Variants in BSN observed in about 807,000 individuals in gnomAD.
BSN encodes the protein protein bassoon.
Under a neutral mutation model 264.8 loss-of-function variants are expected in BSN, and 57 were observed. The ratio of observed to expected loss-of-function variants is 0.22; its 90% CI spans 0.17 to 0.27. The LOEUF (loss-of-function observed/expected upper bound fraction) is 0.27, where lower values mean the gene tolerates loss of function less well. BSN is among the 10% of genes least tolerant of loss of function. The pLI is 1.00. For missense variants in BSN, 4,615 were observed against 5,232.5 expected (o/e 0.88, Z 3.64); for synonymous variants, 2,059 against 2,137.3 (o/e 0.96, Z 1.01).
At chr3:49,649,630 G>A (rs963571514) in intron 3 of BSN, among the ~76,000 whole-genome samples, 4 of 152,200 alleles carry the variant, frequency 2.6e-5, no homozygotes, top group Non-Finnish European at 5.9e-5. Context: ...AAGCAGCTGG[G>A]GCTGGGAGAC....
In BSN at chr3:49,663,328, G is replaced by A. The variant is rs765470342; in HGVS notation, c.11170G>A (p.Gly3724Ser). ...CCATCATGCCTCTGACAGCAAGAAG[G>A]GCTCCCGGCAAGCCCACTCCGGGCC... ...AYHHASDSKKGSRQAHSGPAA... is the reference protein window; with the variant it reads ...AYHHASDSKKSSRQAHSGPAA... Residue 3724 changes from glycine (G) to serine (S), a missense_variant, in exon 7 of 12, where the codon GGC (glycine) becomes AGC (serine). By Grantham distance (56) the Gly-to-Ser change is moderately conservative (BLOSUM62 0). Coordinates refer to ENST00000296452, the MANE Select transcript of BSN (RefSeq NM_003458.4). 2 of 1,613,924 alleles carry A rather than the reference G, an allele frequency of 1.2e-6. No homozygotes were observed. The highest frequency in any genetic ancestry group is 1.1e-5 in the South Asian group (1 of 91,088).
At chr3:49,579,052 A>G (rs978802338) in intron 1 of BSN, among the ~76,000 whole-genome samples, 5 of 152,034 alleles carry the variant, frequency 3.3e-5, no homozygotes, top group Admixed American at 2.6e-4. Context: ...CAGTGGTATG[A>G]TCATGGCTTA....
chr3:49,621,864 A>G (rs1246612135), intron 1 of BSN, among the ~76,000 whole-genome samples: 1 of 152,172 alleles, frequency 6.6e-6, no homozygotes, highest in Non-Finnish European at 1.5e-5. Context: ...ATGACTTGGC[A>G]ACCTGGCAAG....
At chr3:49,631,113 G>T (rs927122494) in intron 2 of BSN, among the ~76,000 whole-genome samples, 2 of 152,148 alleles carry the variant, frequency 1.3e-5, no homozygotes, top group Non-Finnish European at 2.9e-5. Flanking sequence ...TAGAAATGAA[G>T]CAGATGTGCT....
rs761679062 is a variant in BSN, at chr3:49,657,332, G to C, written c.7776G>C (p.Gly2592=). The C allele has an allele frequency of 1.9e-6, 3 of 1,613,498 alleles. No homozygotes were observed. The highest frequency in any genetic ancestry group is 2.5e-6 in the Non-Finnish European group (3 of 1,180,020). The change falls in exon 5 of 12, where the codon GGG becomes GGC. Residue 2592 remains glycine (G), a synonymous_variant. Transcript: ENST00000296452. The part of the protein sequence containing the change: ...DSSVQTDDED[G]ESRYLLSRRR... ...GCGTGCAGACAGACGATGAGGATGG[G>C]GAGAGCCGCTACCTCTTGAGTCGGC...
intron 3 of BSN, among the ~76,000 whole-genome samples, chr3:49,645,738 T>A (rs2108075291): frequency 1.3e-5 from 2 of 152,322 alleles, no homozygotes; most frequent in South Asian, 4.1e-4. Context: ...AGCAATTTTG[T>A]GCTTCTCTGT....
intron 1 of BSN, among the ~76,000 whole-genome samples, chr3:49,564,614 C>G (rs1469869007): frequency 6.6e-6 from 1 of 152,146 alleles, no homozygotes; most frequent in Non-Finnish European, 1.5e-5. Context: ...TGCTCAAGGC[C>G]AAGGCCTTGC....
intron 1 of BSN, among the ~76,000 whole-genome samples, chr3:49,610,839 G>A (rs1449613620): frequency 6.6e-6 from 1 of 152,206 alleles, no homozygotes; most frequent in Non-Finnish European, 1.5e-5. Context: ...AGTCCCCTGA[G>A]CACAGCAGAT....
Position 49,670,506 on chromosome 3 carries a change from A to T in BSN, c.*3021A>T, listed in dbSNP as rs933509252. ...ATCGCCCCTCTGTGAAGGTGGCTGG[A>T]GCAGGCCTCTGGTCCATGGACTGTC... On this transcript the variant is annotated 3_prime_UTR_variant, in exon 12 of 12. Transcript: ENST00000296452. 1 of 152,248 alleles carries T rather than the reference A, an allele frequency of 6.6e-6. No individual in the cohort carries two copies. Among genetic ancestry groups the T allele is most frequent in the Non-Finnish European group, 1.5e-5 (1 of 68,070 alleles). 9.4% of individuals were successfully genotyped at this position (152,248 alleles called of 1,614,324 possible).
At chr3:49,635,880 G>A (rs867751982) in intron 2 of BSN, among the ~76,000 whole-genome samples, 10 of 151,862 alleles carry the variant, frequency 6.6e-5, no homozygotes, top group Non-Finnish European at 1.0e-4. Flanking sequence ...TCGGGAGGCT[G>A]AGGTGGGAGG....
intron 1 of BSN, among the ~76,000 whole-genome samples, chr3:49,589,233 C>T (rs73074866): frequency 0.07 from 10,601 of 151,296 alleles, 502 homozygotes; most frequent in Middle Eastern, 0.1. Flanking sequence ...TTTTTAAATA[C>T]CCGTTAGTTC....
At chr3:49,626,326 C>A (rs1006657559) in intron 2 of BSN, among the ~76,000 whole-genome samples, 13 of 152,180 alleles carry the variant, frequency 8.5e-5, no homozygotes, top group African/African-American at 3.1e-4. Context: ...GGATTAACAG[C>A]AGCTGGAGCC....
At chr3:49,608,025 A>G (rs12637313) in intron 1 of BSN, among the ~76,000 whole-genome samples, 126,181 of 152,170 alleles carry the variant, frequency 0.83, 52,670 homozygotes, top group East Asian at 0.99. Flanking sequence ...ATGGAGGGAT[A>G]GAGGTCCTCT....
chr3:49,643,282 T>C, intron 3 of BSN, 130 bp downstream of exon 3: 1 of 1,405,784 alleles, frequency 7.1e-7, no homozygotes, highest in Non-Finnish European at 9.4e-7. Flanking sequence ...CAACTAATGC[T>C]GCAGAGGGGC....
intron 6 of BSN, 84 bp downstream of exon 6, chr3:49,662,646 C>T (rs2108097251): frequency 1.3e-6 from 2 of 1,516,758 alleles, no homozygotes; most frequent in Admixed American, 2.2e-5. Context: ...CCTAAGATGT[C>T]CCAGCAGGGT....
At chr3:49,589,912 A>T (rs1420230712) in intron 1 of BSN, among the ~76,000 whole-genome samples, 1 of 146,904 alleles carries the variant, frequency 6.8e-6, no homozygotes, top group Non-Finnish European at 1.5e-5. Flanking sequence ...ATCTCAGCTC[A>T]CTGCAACCTC....
Position 49,657,688 on chromosome 3 carries a change from G to A in BSN, c.8132G>A (p.Gly2711Glu), listed in dbSNP as rs750890687. 20 of 1,560,240 alleles carry A rather than the reference G, an allele frequency of 1.3e-5. No homozygotes were observed. Among genetic ancestry groups the A allele is most frequent in the Non-Finnish European group, 1.7e-5 (19 of 1,149,732 alleles). The stretch of plus-strand genomic sequence containing the variant: ...TACATATCGGCGCCAGAGAAGACTG[G>A]GCGTGGGGAGAGCCTGGCCTGCCAG... ...VRYISAPEKTGRGESLACQTE... is the reference protein window; with the variant it reads ...VRYISAPEKTERGESLACQTE... The change falls in exon 5 of 12, where the codon GGG (glycine) becomes GAG (glutamate). Residue 2711 changes from glycine (G) to glutamate (E), a missense_variant. This residue lies in a region of BSN where 3,415 missense variants were observed against 3,866.4 expected (regional missense o/e 0.88). Transcript: ENST00000296452.
intron 3 of BSN, among the ~76,000 whole-genome samples, chr3:49,649,226 C>T (rs1286330402): frequency 1.3e-5 from 2 of 152,234 alleles, no homozygotes; most frequent in South Asian, 2.1e-4. Flanking sequence ...GTCAGCCTTC[C>T]TGGGGGTGGC....
At chr3:49,566,421 A>G (rs1243629930) in intron 1 of BSN, among the ~76,000 whole-genome samples, 2 of 152,106 alleles carry the variant, frequency 1.3e-5, no homozygotes, top group African/African-American at 4.8e-5. Context: ...CTTCATTGGT[A>G]TTGTGTACTT....
Sources: gnomAD v4.1 joint callset for allele counts (sites outside exome capture counted in the v4.1 genomes callset) on GRCh38, gnomAD v4.1.1 for gene constraint, gnomAD v4.1.1 regional missense constraint, MANE v1.5 for transcripts, NCBI Gene and HGNC (gene_info 2026-07-23, HGNC 2026-07-21) for gene names.